Variants in ARHGAP12 observed in about 807,000 individuals in gnomAD.
ARHGAP12 encodes the protein Rho GTPase activating protein 12.
In ARHGAP12, 64 loss-of-function variants were observed where a neutral mutation model predicts 108.6. The ratio of observed to expected loss-of-function variants is 0.59; its 90% CI spans 0.48 to 0.73. The LOEUF (loss-of-function observed/expected upper bound fraction) is 0.73, where lower values mean the gene tolerates loss of function less well. Among genes scored for constraint, ARHGAP12 ranks in the 30% least tolerant of loss-of-function variants. ARHGAP12 has a pLI of 0.00. For synonymous variants in ARHGAP12, 312 were observed against 337.2 expected (o/e 0.93, Z 0.82); for missense variants, 940 against 1,005.9 (o/e 0.93, Z 0.89).
At chr10:31,926,095 T>A (rs906139761) in intron 1 of ARHGAP12, among the ~76,000 whole-genome samples, 1 of 152,158 alleles carries the variant, frequency 6.6e-6, no homozygotes, top group Non-Finnish European at 1.5e-5. Flanking sequence ...TATGACCAAG[T>A]GGATATTAGA....
chr10:31,864,984 C>T (rs544195364), intron 3 of ARHGAP12, among the ~76,000 whole-genome samples: 5 of 148,794 alleles, frequency 3.4e-5, no homozygotes, highest in African/African-American at 1.3e-4. Flanking sequence ...GGAGTTAGCC[C>T]GGTAAAAGTT....
chr10:31,908,325 A>T lies in ARHGAP12; in HGVS notation c.531T>A (p.Phe177Leu). The T allele has an allele frequency of 1.2e-6, 2 of 1,614,184 alleles. No individual in the cohort carries two copies. Among genetic ancestry groups the T allele is most frequent in the Non-Finnish European group, 8.5e-7 (1 of 1,180,020 alleles). The change falls in exon 3 of 20, where the codon TTT (phenylalanine) becomes TTA (leucine). Residue 177 changes from phenylalanine to leucine, a missense_variant. Physicochemically the swap from Phe to Leu is conservative, Grantham distance 22. Coordinates refer to ENST00000344936, the MANE Select transcript of ARHGAP12 (RefSeq NM_018287.7). Reference sequence around the variant, plus strand: ...AGAACTCTGGACCGGGAAAATGACCAAATGAGCGTGTCCTATTCTGGCTGG... The same window carrying T: ...AGAACTCTGGACCGGGAAAATGACCTAATGAGCGTGTCCTATTCTGGCTGG... ...KVSSQNRTRS[F>L]GHFPGPEFLD...
intron 2 of ARHGAP12, among the ~76,000 whole-genome samples, chr10:31,909,532 G>A (rs1839267026): frequency 6.6e-6 from 1 of 152,202 alleles, no homozygotes; most frequent in South Asian, 2.1e-4. Flanking sequence ...CTTTGCAGAT[G>A]TAATCAAGTT....
At chr10:31,895,021 G>A (rs913773804) in intron 3 of ARHGAP12, among the ~76,000 whole-genome samples, 2 of 152,166 alleles carry the variant, frequency 1.3e-5, no homozygotes, top group Admixed American at 6.5e-5. Context: ...TTTAATAAAT[G>A]GTGCTGGGAA....
At chr10:31,909,248 C>T (rs766455803) in intron 2 of ARHGAP12, among the ~76,000 whole-genome samples, 1 of 152,196 alleles carries the variant, frequency 6.6e-6, no homozygotes, top group Non-Finnish European at 1.5e-5. Flanking sequence ...ACCTCCTTCA[C>T]CTTCTTAGAA....
At chr10:31,914,770 C>T (rs532294365) in intron 1 of ARHGAP12, among the ~76,000 whole-genome samples, 1 of 152,262 alleles carries the variant, frequency 6.6e-6, no homozygotes, top group South Asian at 2.1e-4. Context: ...ACTATATGAT[C>T]CACCAATTCC....
At chr10:31,884,435 A>T (rs1371848604) in intron 3 of ARHGAP12, among the ~76,000 whole-genome samples, 2 of 152,148 alleles carry the variant, frequency 1.3e-5, no homozygotes, top group Admixed American at 1.3e-4. Flanking sequence ...TGAAGTACAT[A>T]AACAATGGCC....
At position 31,810,695 on chromosome 10, in the gene ARHGAP12, T is replaced by C. The variant is rs752061456; in HGVS notation, c.2004A>G (p.Thr668=). 4 of 1,608,458 alleles carry C rather than the reference T, an allele frequency of 2.5e-6. No homozygotes were observed. Among genetic ancestry groups the C allele is most frequent in the Non-Finnish European group, 3.4e-6 (4 of 1,177,720 alleles). ...TACATAACTTCACAAACTTTGGTAC[T>C]GTGCCATTCTCTCTCTGACACAGAT... The part of the protein sequence containing the change: ...LANLCQRENG[T]VPKFVKLCIE... Residue 668 remains threonine (T), a synonymous_variant, in exon 16 of 20, where the codon ACA becomes ACG. Transcript: ENST00000344936.
intron 1 of ARHGAP12, among the ~76,000 whole-genome samples, chr10:31,920,464 A>AAAG (rs1554792343): frequency 6.6e-6 from 1 of 151,214 alleles, no homozygotes; most frequent in East Asian, 1.9e-4. Flanking sequence ...AAAAAAAAAA[A>AAAG]AAAAAAAGAA....
chr10:31,809,346 A>G (rs1294350090), intron 16 of ARHGAP12, 39 bp from the exon 17 acceptor site: 7 of 1,581,834 alleles, frequency 4.4e-6, no homozygotes, highest in Non-Finnish European at 6.1e-6. Context: ...GTGTGTTTAA[A>G]GTACTTCTTT....
At chr10:31,838,943 G>A (rs924212660) in intron 9 of ARHGAP12, among the ~76,000 whole-genome samples, 1 of 152,022 alleles carries the variant, frequency 6.6e-6, no homozygotes, top group Non-Finnish European at 1.5e-5. Context: ...GGAGGGGCAG[G>A]TGGTTGAGGC....
Position 31,809,314 on chromosome 10 carries a change from G to C in ARHGAP12, c.2051-7C>G. 1 of 1,612,464 alleles carries C rather than the reference G, an allele frequency of 6.2e-7. No homozygotes were observed. Among genetic ancestry groups the C allele is most frequent in the Non-Finnish European group, 8.5e-7 (1 of 1,178,600 alleles). ...ATCCCATCAATATCCAAACCTAAGA[G>C]ACAATAATAATTTGTGTGTGTGTGT... is the stretch of plus-strand genomic sequence containing the variant. On this transcript the variant is annotated splice_polypyrimidine_tract_variant and splice_region_variant and intron_variant, in intron 16 of 19. Coordinates refer to ENST00000344936, the MANE Select transcript of ARHGAP12 (RefSeq NM_018287.7).
chr10:31,892,600 A>G (rs1208404012), intron 3 of ARHGAP12, among the ~76,000 whole-genome samples: 1 of 152,214 alleles, frequency 6.6e-6, no homozygotes, highest in African/African-American at 2.4e-5. Context: ...CAGATTCATA[A>G]AGCAAGTCCT....
intron 14 of ARHGAP12, 96 bp from the exon 15 acceptor site, chr10:31,812,919 T>A (rs1835074761): frequency 1.6e-6 from 1 of 628,044 alleles, no homozygotes. Context: ...TAACCTCATA[T>A]GTCAAGATCA....
In ARHGAP12 at chr10:31,831,719, T is replaced by C; in HGVS notation, c.1448+20A>G. ...ATTTCAGATGAATCATGTAAGAACA[T>C]TAAAGACTTGTGTACTTACCGAACC... On this transcript the variant is annotated intron_variant, in intron 10 of 19. Coordinates refer to ENST00000344936, the MANE Select transcript of ARHGAP12 (RefSeq NM_018287.7). 3 of 1,504,246 alleles carry C rather than the reference T, an allele frequency of 2.0e-6. No homozygotes were observed. Among genetic ancestry groups the C allele is most frequent in the Non-Finnish European group, 2.7e-6 (3 of 1,092,066 alleles). 93.2% of individuals were successfully genotyped at this position (1,504,246 alleles called of 1,614,324 possible).
chr10:31,898,274 C>A (rs906436752), intron 3 of ARHGAP12, among the ~76,000 whole-genome samples: 2 of 152,070 alleles, frequency 1.3e-5, no homozygotes, highest in African/African-American at 4.8e-5. Flanking sequence ...AATATGTCTC[C>A]AAGGAAAATA....
At chr10:31,896,095 G>C (rs913126297) in intron 3 of ARHGAP12, among the ~76,000 whole-genome samples, 6 of 151,960 alleles carry the variant, frequency 3.9e-5, no homozygotes, top group African/African-American at 1.2e-4. Flanking sequence ...GTTGTGGGGT[G>C]GGGGGAGCGG....
chr10:31,826,802 C>G (rs994410749), intron 10 of ARHGAP12: 5 of 156,284 alleles, frequency 3.2e-5, no homozygotes, highest in African/African-American at 9.6e-5. Context: ...TTTATACAGA[C>G]TGTGTTACAT....
At chr10:31,902,723 G>T (rs1266680328) in intron 3 of ARHGAP12, among the ~76,000 whole-genome samples, 3 of 151,666 alleles carry the variant, frequency 2.0e-5, no homozygotes, top group African/African-American at 7.3e-5. Context: ...CATAAAATGT[G>T]AAACTATAAA....
Sources: allele counts gnomAD v4.1 joint callset (sites outside exome capture counted in the v4.1 genomes callset), GRCh38; gene constraint gnomAD v4.1.1; transcripts MANE v1.5; gene names NCBI Gene and HGNC (gene_info 2026-07-23, HGNC 2026-07-21).